KCTD7: variants seen among roughly 807,000 people sequenced by gnomAD.
KCTD7 encodes potassium channel tetramerization domain containing 7.
Under a neutral mutation model 27.0 loss-of-function variants are expected in KCTD7, and 15 were observed. The observed-to-expected ratio is 0.56, with a 90% CI of 0.37 to 0.86. The LOEUF (loss-of-function observed/expected upper bound fraction) is 0.86, where lower values mean the gene tolerates loss of function less well. Ranked by LOEUF, KCTD7 falls within the 40% of genes least tolerant of loss-of-function variation. The probability of loss-of-function intolerance (pLI) is 0.00; values close to 1 mark genes in which losing one functional copy is unlikely to be tolerated. For missense variants in KCTD7, 299 were observed against 398.9 expected, an observed-to-expected ratio of 0.75 and a Z score of 2.13; for synonymous variants, 159 against 162.7, an observed-to-expected ratio of 0.98 and a Z score of 0.17.
Position 66,628,958 on chromosome 7 carries a change from A to T in KCTD7, c.-107A>T, listed in dbSNP as rs1039332754. On this transcript the variant is annotated 5_prime_UTR_variant, in exon 1 of 4. Coordinates refer to ENST00000639828, the MANE Select transcript of KCTD7 (RefSeq NM_153033.5). ...CACTGCCTCTCGCCCCCCTCCGGCC[A>T]GCCCGCAGCCGGCCGCGTCATGCCA... The T allele has an allele frequency of 2.5e-6, 3 of 1,191,872 alleles. No individual in the cohort carries two copies. Among genetic ancestry groups the T allele is most frequent in the Non-Finnish European group, 3.3e-6 (3 of 902,754 alleles). 73.8% of individuals were successfully genotyped at this position (1,191,872 alleles called of 1,614,324 possible). A position where few individuals can be genotyped will look rare whatever the true frequency, so the allele number is the denominator to read the frequency against.
Position 66,640,497 on chromosome 7 carries a change from G to C in KCTD7, c.*1265G>C, listed in dbSNP as rs980854720. On this transcript the variant is annotated 3_prime_UTR_variant, in exon 4 of 4. Transcript: ENST00000639828. ...GGGTCTGGACATGCATCTCCTAAAGGAAGAACTGTGTAGCACCATTGATCA... is the reference window on the plus strand; with the variant it reads ...GGGTCTGGACATGCATCTCCTAAAGCAAGAACTGTGTAGCACCATTGATCA... 1 of 1,532,646 alleles carries C rather than the reference G, an allele frequency of 6.5e-7. No homozygotes were observed. Among genetic ancestry groups the C allele is most frequent in the African/African-American group, 1.4e-5 (1 of 72,826 alleles). The allele number at this position is 1,532,646 out of a possible 1,614,324, so 94.9% of individuals were successfully genotyped here.
intron 1 of KCTD7, among the ~76,000 whole-genome samples, chr7:66,629,847 TGTAG>T (rs1786407490): frequency 6.6e-6 from 1 of 152,204 alleles, no homozygotes; most frequent in African/African-American, 2.4e-5. Context: ...AGTTCATAGA[TGTAG>T]GCACGGTCAC....
chr7:66,635,035 T>G (rs1584397258), intron 2 of KCTD7, among the ~76,000 whole-genome samples: 1 of 139,012 alleles, frequency 7.2e-6, no homozygotes, highest in Non-Finnish European at 1.5e-5. Flanking sequence ...TTTTTTTGAG[T>G]CAGCGTCTTG....
chr7:66,633,912 C>T (rs1454811570), intron 2 of KCTD7, among the ~76,000 whole-genome samples: 1 of 151,898 alleles, frequency 6.6e-6, no homozygotes, highest in African/African-American at 2.4e-5. Flanking sequence ...CGCTTGAACC[C>T]AGGAGGCAGA....
At chr7:66,629,389 T>G (rs888749851) in intron 1 of KCTD7, among the ~76,000 whole-genome samples, 181 bp downstream of exon 1, 3 of 45,146 alleles carry the variant, frequency 6.6e-5, no homozygotes, top group African/African-American at 2.5e-4. Flanking sequence ...CCCACCCACC[T>G]TCAACCCCTG....
chr7:66,636,125 T>C (rs2116769906), intron 2 of KCTD7, among the ~76,000 whole-genome samples: 1 of 152,380 alleles, frequency 6.6e-6, no homozygotes, highest in Admixed American at 6.5e-5. Flanking sequence ...ATGACTCAGA[T>C]AAAATAGGCG....
Position 66,640,440 on chromosome 7 carries a change from T to C in KCTD7, c.*1208T>C, listed in dbSNP as rs1007879909. On this transcript the variant is annotated 3_prime_UTR_variant, in exon 4 of 4. Coordinates refer to ENST00000639828, the MANE Select transcript of KCTD7 (RefSeq NM_153033.5). ...GATCTGTTACTACTGCATTTCCTTCTTGCTCTGTCTACAGCCTAGGCCAAC... is the reference window on the plus strand; with the variant it reads ...GATCTGTTACTACTGCATTTCCTTCCTGCTCTGTCTACAGCCTAGGCCAAC... The C allele has an allele frequency of 3.9e-6, 6 of 1,537,328 alleles. No individual in the cohort carries two copies. Among genetic ancestry groups the C allele is most frequent in the Non-Finnish European group, 5.2e-6 (6 of 1,146,926 alleles).
downstream of KCTD7, chr7:66,643,178 G>C (rs1279198070): frequency 2.0e-6 from 2 of 985,112 alleles, no homozygotes; most frequent in Non-Finnish European, 2.4e-6. Flanking sequence ...AACAAGACAG[G>C]CTTTTCCCTG....
chr7:66,636,408 A>G (rs1338692460), intron 2 of KCTD7, among the ~76,000 whole-genome samples: 1 of 151,898 alleles, frequency 6.6e-6, no homozygotes, highest in Non-Finnish European at 1.5e-5. Flanking sequence ...TTTATGACAT[A>G]GAGATAAGAT....
In KCTD7 at chr7:66,629,269, G is replaced by A. The variant is rs893953846; in HGVS notation, c.144+61G>A. The A allele has an allele frequency of 3.6e-5, 41 of 1,147,276 alleles. No homozygotes were observed. In the East Asian group the frequency reaches 6.5e-4, roughly 18 times the overall value. 71.1% of individuals were successfully genotyped at this position (1,147,276 alleles called of 1,614,324 possible). ...AGGGGCGCGGGGGAGAAGCGGGCGCGGGGCATAGCGGTCCTCGGCGGGTGG... is the reference window on the plus strand; with the variant it reads ...AGGGGCGCGGGGGAGAAGCGGGCGCAGGGCATAGCGGTCCTCGGCGGGTGG... On this transcript the variant is annotated intron_variant, in intron 1 of 3. Transcript: ENST00000639828.
In KCTD7 at chr7:66,629,101, C is replaced by T; in HGVS notation, c.37C>T (p.Arg13Cys). Residue 13 changes from arginine to cysteine, a missense_variant, in exon 1 of 4, where the codon CGT becomes TGT. Arg to Cys is a radical substitution (Grantham distance 180). Transcript: ENST00000639828. Reference protein sequence around the residue: ...VVTGREPDSRRQDGAMSSSDA... With the variant: ...VVTGREPDSRCQDGAMSSSDA... ...CACGGGGCGGGAGCCAGACAGCCGT[C>T]GTCAGGACGGTGCCATGTCCAGCTC... 7.8e-6 allele frequency: 12 copies of T among 1,538,698 alleles called. No homozygotes were observed. Among genetic ancestry groups the T allele is most frequent in the Non-Finnish European group, 1.0e-5 (12 of 1,144,902 alleles).
Position 66,633,298 on chromosome 7 carries a change from C to T in KCTD7, c.168C>T (p.Asn56=), listed in dbSNP as rs371824397. The T allele has an allele frequency of 2.3e-5, 37 of 1,613,920 alleles. No individual in the cohort carries two copies. The African/African-American group carries it at 4.3e-4, about 19-fold the overall frequency. The change falls in exon 2 of 4, where the codon AAC becomes AAT. Residue 56 remains asparagine, a synonymous_variant. Transcript: ENST00000639828. The part of the protein sequence containing the change: ...PQEFPEVVPL[N]IGGAHFTTRL... ...AGTTTCCTGAGGTTGTTCCCCTTAA[C>T]ATCGGAGGGGCTCACTTCACTACAC...
chr7:66,640,153 A>C lies in KCTD7; in HGVS notation c.*921A>C. On this transcript the variant is annotated 3_prime_UTR_variant, in exon 4 of 4. Transcript: ENST00000639828. The stretch of plus-strand genomic sequence containing the variant: ...TTGTGGTGAACCTCTTTGGAAGGGG[A>C]CCCCCTCTCTTTAAACCCTGTTCCT... 2.9e-6 allele frequency: 4 copies of C among 1,363,614 alleles called. No homozygotes were observed. Among genetic ancestry groups the C allele is most frequent in the Non-Finnish European group, 3.8e-6 (4 of 1,064,906 alleles). 84.5% of individuals were successfully genotyped at this position (1,363,614 alleles called of 1,614,324 possible).
chr7:66,637,080 G>A lies in KCTD7; in HGVS notation c.315-1173G>A, dbSNP rs116435886. Among the ~76,000 whole-genome samples the A allele has an allele frequency of 2.9e-3, 438 of 152,216 alleles. 1 individual carries two copies. Among genetic ancestry groups the A allele is most frequent in the African/African-American group, 9.4e-3 (392 of 41,532 alleles). ...GAAATTTGTGCTTGTGTCCACTAAA[G>A]GTTTCTTTTGTTTGTTTGTTTTTGT... On this transcript the variant is annotated intron_variant, in intron 2 of 3. Coordinates refer to ENST00000639828, the MANE Select transcript of KCTD7 (RefSeq NM_153033.5).
intron 2 of KCTD7, among the ~76,000 whole-genome samples, chr7:66,637,545 AAAAC>A (rs752856286): frequency 4.2e-4 from 64 of 152,352 alleles, no homozygotes; most frequent in Middle Eastern, 3.4e-3. Flanking sequence ...TAAAAACAAA[AAAAC>A]AAACTACTGG....
At position 66,629,079 on chromosome 7, in the gene KCTD7, G is replaced by C. The variant is rs1410806588; in HGVS notation, c.15G>C (p.Thr5=). MVVV[T]GREPDSRRQD... Reference sequence around the variant, plus strand: ...GAGCCAGAGGGATGGTGGTAGTCACGGGGCGGGAGCCAGACAGCCGTCGTC... The same window carrying C: ...GAGCCAGAGGGATGGTGGTAGTCACCGGGCGGGAGCCAGACAGCCGTCGTC... The change falls in exon 1 of 4, where the codon ACG becomes ACC. Residue 5 remains threonine (T), a synonymous_variant. Transcript: ENST00000639828. The C allele has an allele frequency of 3.3e-6, 5 of 1,528,250 alleles. No individual in the cohort carries two copies. Among genetic ancestry groups the C allele is most frequent in the Non-Finnish European group, 2.6e-6 (3 of 1,138,776 alleles). The allele number at this position is 1,528,250 out of a possible 1,614,324, so 94.7% of individuals were successfully genotyped here.
rs146974954 is a variant in KCTD7 at position 66,634,675 on chromosome 7, G to A, written c.314+1231G>A. Among the ~76,000 whole-genome samples the A allele has an allele frequency of 3.5e-4, 54 of 152,206 alleles. No homozygotes were observed. In the East Asian group the frequency reaches 9.7e-3, roughly 27 times the overall value. ...TTGGGGCTCAGCGTTGCCATGGGAA[G>A]GAGGCATGGTGTGTAGCAGTGGTTA... is the stretch of plus-strand genomic sequence containing the variant. On this transcript the variant is annotated intron_variant, in intron 2 of 3. Transcript: ENST00000639828.
rs904485020 is a variant in KCTD7, at chr7:66,642,825, G to T, written c.*3593G>T. ...ATACATACTGAGTGGGGAAGGATGG[G>T]GGTTGGCAGGGGTTGAGGGAGGTGG... On this transcript the variant is annotated 3_prime_UTR_variant, in exon 4 of 4. Transcript: ENST00000639828. 4 of 985,288 alleles carry T rather than the reference G, an allele frequency of 4.1e-6. No homozygotes were observed. Among genetic ancestry groups the T allele is most frequent in the Non-Finnish European group, 4.8e-6 (4 of 829,952 alleles). 61.0% of individuals were successfully genotyped at this position (985,288 alleles called of 1,614,324 possible). A position where few individuals can be genotyped will look rare whatever the true frequency, so the allele number is the denominator to read the frequency against.
At chr7:66,629,313 G>C in intron 1 of KCTD7, 105 bp downstream of exon 1, 1 of 852,048 alleles carries the variant, frequency 1.2e-6, no homozygotes, top group Non-Finnish European at 1.5e-6. Flanking sequence ...GGGGTTGGGG[G>C]CGGGGCCCGC....
Sources: gnomAD v4.1 joint callset for allele counts (sites outside exome capture counted in the v4.1 genomes callset) on GRCh38, gnomAD v4.1.1 for gene constraint, MANE v1.5 for transcripts, NCBI Gene and HGNC (gene_info 2026-07-23, HGNC 2026-07-21) for gene names.